ANKHD1: variants seen among roughly 807,000 people sequenced by gnomAD.
The protein encoded by ANKHD1 is ankyrin repeat and KH domain-containing protein 1.
ANKHD1 carries 31 observed loss-of-function variants against 230.5 expected under a neutral mutation model. That is an observed-to-expected ratio of 0.13 (90% CI 0.10 to 0.18). The LOEUF is 0.18. ANKHD1 is among the 10% of genes least tolerant of loss of function. The pLI is 1.00. For missense variants in ANKHD1, 2,256 were observed against 3,071.3 expected, an observed-to-expected ratio of 0.73 and a Z score of 6.27; for synonymous variants, 1,074 against 1,117.6, an observed-to-expected ratio of 0.96 and a Z score of 0.78.
intron 14 of ANKHD1, among the ~76,000 whole-genome samples, chr5:140,489,487 AT>A (rs1751672889): frequency 6.7e-6 from 1 of 148,330 alleles, no homozygotes; most frequent in African/African-American, 2.6e-5. Flanking sequence ...CAAAATATAA[AT>A]AAATAAATAA....
rs1450367557 is a variant in ANKHD1 at position 140,464,656 on chromosome 5, T to A, written c.1673-11T>A. The A allele has an allele frequency of 1.3e-6, 2 of 1,527,658 alleles. No homozygotes were observed. The highest frequency in any genetic ancestry group is 1.9e-5 in the Admixed American group (1 of 54,002). 94.6% of individuals were successfully genotyped at this position (1,527,658 alleles called of 1,614,324 possible). Reference sequence around the variant, plus strand: ...GTTCACAAAGTAAATGTATGCTTTTTTGTTTGCTAGGCGCTAATGTGCATG... The same window carrying A: ...GTTCACAAAGTAAATGTATGCTTTTATGTTTGCTAGGCGCTAATGTGCATG... On this transcript the variant is annotated splice_polypyrimidine_tract_variant and intron_variant, in intron 9 of 33. Coordinates refer to ENST00000360839, the MANE Select transcript of ANKHD1 (RefSeq NM_017747.3).
chr5:140,446,551 G>A (rs996062779), intron 6 of ANKHD1, among the ~76,000 whole-genome samples: 1 of 151,978 alleles, frequency 6.6e-6, no homozygotes, highest in Non-Finnish European at 1.5e-5. Flanking sequence ...AGTAGAGATA[G>A]GGTTTCACTA....
intron 1 of ANKHD1, among the ~76,000 whole-genome samples, chr5:140,402,550 C>T (rs994656274): frequency 6.6e-6 from 1 of 152,194 alleles, no homozygotes; most frequent in African/African-American, 2.4e-5. Flanking sequence ...AGGCTGCCTC[C>T]CGCCCACCCT....
chr5:140,410,360 T>G (rs1271303158), intron 1 of ANKHD1, among the ~76,000 whole-genome samples: 2 of 152,174 alleles, frequency 1.3e-5, no homozygotes, highest in African/African-American at 4.8e-5. Context: ...TTTAAGCACA[T>G]TCCTTTCTGA....
At chr5:140,511,210 C>T (rs575332654) in intron 22 of ANKHD1, among the ~76,000 whole-genome samples, 1 of 152,260 alleles carries the variant, frequency 6.6e-6, no homozygotes, top group South Asian at 2.1e-4. Context: ...GGTATAGCTT[C>T]CCAAACTATA....
chr5:140,482,457 TAA>T, intron 10 of ANKHD1, 121 bp from the exon 11 acceptor site: 1 of 1,055,120 alleles, frequency 9.5e-7, no homozygotes. Context: ...GTAGGTGGTA[TAA>T]AGTGTCTACA....
At chr5:140,533,593 C>T (rs1156341666) in intron 29 of ANKHD1, among the ~76,000 whole-genome samples, 1 of 151,356 alleles carries the variant, frequency 6.6e-6, no homozygotes, top group Non-Finnish European at 1.5e-5. Flanking sequence ...AGCGAGACAC[C>T]CTCTCAAGAA....
intron 6 of ANKHD1, among the ~76,000 whole-genome samples, chr5:140,448,268 A>G (rs143238698): frequency 6.6e-6 from 1 of 152,288 alleles, no homozygotes; most frequent in African/African-American, 2.4e-5. Flanking sequence ...CATCAAATAG[A>G]TGTACCATAA....
At chr5:140,452,044 A>G (rs769291142) in intron 7 of ANKHD1, among the ~76,000 whole-genome samples, 15 of 151,998 alleles carry the variant, frequency 9.9e-5, no homozygotes, top group East Asian at 1.9e-4. Context: ...TGCATTTCCA[A>G]CTGAGCATAC....
chr5:140,440,842 A>C (rs1403764790), intron 4 of ANKHD1, among the ~76,000 whole-genome samples, 153 bp from the exon 5 acceptor site: 1 of 152,256 alleles, frequency 6.6e-6, no homozygotes, highest in Non-Finnish European at 1.5e-5. Flanking sequence ...CATGTTAAGC[A>C]GTGAGTATTG....
intron 1 of ANKHD1, among the ~76,000 whole-genome samples, chr5:140,407,402 T>C (rs1438865064): frequency 6.6e-6 from 1 of 151,988 alleles, no homozygotes; most frequent in Non-Finnish European, 1.5e-5. Context: ...CAGCCTATTT[T>C]TATTTATTTA....
intron 10 of ANKHD1, among the ~76,000 whole-genome samples, chr5:140,465,373 T>C (rs1776012446): frequency 6.6e-6 from 1 of 152,192 alleles, no homozygotes; most frequent in African/African-American, 2.4e-5. Context: ...TTTCAAAATT[T>C]CAAATTAGGT....
chr5:140,476,338 T>A lies in ANKHD1; in HGVS notation c.1783-6242T>A, dbSNP rs139269045. Among the ~76,000 whole-genome samples the A allele has an allele frequency of 2.7e-3, 414 of 152,204 alleles. 1 individual carries two copies. Among genetic ancestry groups the A allele is most frequent in the African/African-American group, 9.5e-3 (393 of 41,558 alleles). On this transcript the variant is annotated intron_variant, in intron 10 of 33. Coordinates refer to ENST00000360839, the MANE Select transcript of ANKHD1 (RefSeq NM_017747.3). ...AATGTTTGAAGAGAATGGTGGAGAA[T>A]TTTCTAGCATTGTGACTAGACATGA...
At chr5:140,409,759 AC>A (rs1305575042) in intron 1 of ANKHD1, among the ~76,000 whole-genome samples, 1 of 151,642 alleles carries the variant, frequency 6.6e-6, no homozygotes, top group Non-Finnish European at 1.5e-5. Flanking sequence ...TCACTGTGTT[AC>A]CCAGGATGGT....
Position 140,529,101 on chromosome 5 carries a change from G to T in ANKHD1, c.6155G>T (p.Ser2052Ile). The T allele has an allele frequency of 1.9e-6, 3 of 1,614,034 alleles. No individual in the cohort carries two copies. Among genetic ancestry groups the T allele is most frequent in the South Asian group, 1.1e-5 (1 of 91,082 alleles). The change falls in exon 29 of 34, where the codon AGT (serine) becomes ATT (isoleucine). Residue 2052 changes from serine (S) to isoleucine (I), a missense_variant. Ser to Ile is a moderately radical substitution (Grantham distance 142, BLOSUM62 -2). Transcript: ENST00000360839. The part of the protein sequence containing the change: ...CTPSSTANSC[S>I]SSASNTPGAP... ...CCATCTTCAACTGCAAACAGTTGCA[G>T]TAGCTCTGCCAGCAACACCCCGGGA...
In ANKHD1 at chr5:140,491,157, TA is replaced by T. The variant is rs1164383397; in HGVS notation, c.2245+4098del. Among the ~76,000 whole-genome samples, 171 of 98,590 alleles carry T rather than the reference TA, an allele frequency of 1.7e-3. 2 individuals are homozygous for T. Among genetic ancestry groups the T allele is most frequent in the African/African-American group, 3.8e-3 (91 of 24,014 alleles). 64.7% of individuals were successfully genotyped at this position (98,590 alleles called of 152,430 possible). A position where few individuals can be genotyped will look rare whatever the true frequency, so the allele number is the denominator to read the frequency against. ...ATATACACATATATATATATATATATATATTTTTTTTTTTTTTTTTTTTTGA... is the reference window on the plus strand; with the variant it reads ...ATATACACATATATATATATATATATTATTTTTTTTTTTTTTTTTTTTTGA... On this transcript the variant is annotated intron_variant, in intron 14 of 33. Transcript: ENST00000360839.
Position 140,527,797 on chromosome 5 carries a change from A to G in ANKHD1, c.5088-76A>G, listed in dbSNP as rs1753668659. On this transcript the variant is annotated intron_variant, in intron 27 of 33. Coordinates refer to ENST00000360839, the MANE Select transcript of ANKHD1 (RefSeq NM_017747.3). This position sits in a 1 kb window ranked among gnomAD's most constrained non-coding sequence, Gnocchi z 4.5. Reference sequence around the variant, plus strand: ...ATGTTATTCTCCAAAATGTCCATGAACATACTTACTAAGACATCTTTCTTA... The same window carrying G: ...ATGTTATTCTCCAAAATGTCCATGAGCATACTTACTAAGACATCTTTCTTA... 5 of 1,464,060 alleles carry G rather than the reference A, an allele frequency of 3.4e-6. No homozygotes were observed. The Admixed American group carries it at 1.2e-4, about 36-fold the overall frequency. The allele number at this position is 1,464,060 out of a possible 1,614,324, so 90.7% of individuals were successfully genotyped here. A position where few individuals can be genotyped will look rare whatever the true frequency, so the allele number is the denominator to read the frequency against.
rs1442777079 is a variant in ANKHD1, at chr5:140,528,607, A to T, written c.5661A>T (p.Thr1887=). 5 of 1,614,022 alleles carry T rather than the reference A, an allele frequency of 3.1e-6. No individual in the cohort carries two copies. In the African/African-American group the frequency reaches 4.0e-5, roughly 13 times the overall value. The change falls in exon 29 of 34, where the codon ACA becomes ACT. Residue 1887 remains threonine (T), a synonymous_variant. Coordinates refer to ENST00000360839, the MANE Select transcript of ANKHD1 (RefSeq NM_017747.3). The part of the protein sequence containing the change: ...FGGTFSPSPN[T]WGPFPVRPVN... The stretch of plus-strand genomic sequence containing the variant: ...GAACCTTCTCACCTTCTCCTAACAC[A>T]TGGGGACCATTCCCAGTGAGACCTG...
chr5:140,496,027 A>G (rs1752015896), intron 14 of ANKHD1, among the ~76,000 whole-genome samples: 1 of 152,186 alleles, frequency 6.6e-6, no homozygotes, highest in East Asian at 1.9e-4. Flanking sequence ...TTTGATCTGT[A>G]AGTTTTGGTC....
Sources: gnomAD v4.1 joint callset for allele counts (sites outside exome capture counted in the v4.1 genomes callset) on GRCh38, gnomAD v4.1.1 for gene constraint, Gnocchi (gnomAD v3.1) non-coding constraint, MANE v1.5 for transcripts, NCBI Gene and HGNC (gene_info 2026-07-23, HGNC 2026-07-21) for gene names.